Variants in TDP1 observed in about 807,000 individuals in gnomAD.
TDP1 encodes the protein tyrosyl-DNA phosphodiesterase 1.
A neutral mutation model predicts 81.5 loss-of-function variants in TDP1; 64 were observed. That is an observed-to-expected ratio of 0.79 (90% CI 0.64 to 0.97). TDP1 has a LOEUF of 0.97. TDP1 is among the 50% of genes least tolerant of loss of function. TDP1 has a pLI of 0.00. For synonymous variants in TDP1, 256 were observed against 264.3 expected (o/e 0.97, Z 0.30); for missense variants, 723 against 743.8 (o/e 0.97, Z 0.33).
intron 15 of TDP1, chr14:90,022,760 G>T (rs186356184): frequency 1.0e-6 from 1 of 985,290 alleles, no homozygotes; most frequent in Admixed American, 6.1e-5. Flanking sequence ...GTAGACCTTT[G>T]CTTGGCCTTC....
intron 16 of TDP1, among the ~76,000 whole-genome samples, chr14:90,037,186 C>T (rs1887902903): frequency 6.6e-6 from 1 of 152,146 alleles, no homozygotes; most frequent in East Asian, 1.9e-4. Context: ...GTCCCACTTG[C>T]TGTGTGACCT....
At chr14:90,042,042 C>T (rs770129144) in intron 16 of TDP1, among the ~76,000 whole-genome samples, 9 of 152,098 alleles carry the variant, frequency 5.9e-5, no homozygotes, top group African/African-American at 1.2e-4. Flanking sequence ...TTAAGAGGGA[C>T]GGAGGAGGTG....
In TDP1 at chr14:89,988,940, A is replaced by G; in HGVS notation, c.1167A>G (p.Ala389=). ...ACCATGCCTCATCCATGCCTAACGCAGAGTCCTGGCCTGTCGTAGGTCAGT... is the reference window on the plus strand; with the variant it reads ...ACCATGCCTCATCCATGCCTAACGCGGAGTCCTGGCCTGTCGTAGGTCAGT... ...LKDHASSMPN[A]ESWPVVGQFS... is the part of the protein sequence containing the mutation. The change falls in exon 11 of 17, where the codon GCA becomes GCG. Residue 389 remains alanine (A), a synonymous_variant. Coordinates refer to ENST00000335725, the MANE Select transcript of TDP1 (RefSeq NM_018319.4). The G allele has an allele frequency of 6.2e-7, 1 of 1,614,212 alleles. No homozygotes were observed. The highest frequency in any genetic ancestry group is 8.5e-7 in the Non-Finnish European group (1 of 1,180,022).
intron 14 of TDP1, among the ~76,000 whole-genome samples, chr14:90,006,492 T>A (rs34147865): frequency 0.039 from 5,900 of 151,840 alleles, 373 homozygotes; most frequent in African/African-American, 0.13. Flanking sequence ...GATCCTCCCT[T>A]CTCAGCCTCC....
Position 89,977,326 on chromosome 14 carries a change from C to G in TDP1, c.791+1511C>G, listed in dbSNP as rs1345081821. Among the ~76,000 whole-genome samples, 9 of 152,044 alleles carry G rather than the reference C, an allele frequency of 5.9e-5. No individual in the cohort carries two copies. The East Asian group carries it at 1.7e-3, about 29-fold the overall frequency. On this transcript the variant is annotated intron_variant, in intron 7 of 16. Transcript: ENST00000335725. ...AAAATTTTTTTTTTGTTGAGACAGT[C>G]TCGCTCTGTTGCCCAGGCTGGAGTA... is the stretch of plus-strand genomic sequence containing the variant.
At chr14:90,012,404 T>C (rs987861943) in intron 14 of TDP1, among the ~76,000 whole-genome samples, 1 of 151,798 alleles carries the variant, frequency 6.6e-6, no homozygotes, top group Non-Finnish European at 1.5e-5. Context: ...GGCAGTGCCC[T>C]AGTGGGGACT....
intron 6 of TDP1, among the ~76,000 whole-genome samples, chr14:89,973,083 A>C (rs1470944242): frequency 6.6e-6 from 1 of 152,144 alleles, no homozygotes; most frequent in Non-Finnish European, 1.5e-5. Context: ...ATACCTCACA[A>C]CATTTTCCTT....
At chr14:89,996,357 C>T (rs1027398504) in intron 14 of TDP1, among the ~76,000 whole-genome samples, 8 of 152,214 alleles carry the variant, frequency 5.3e-5, no homozygotes, top group African/African-American at 1.9e-4. Flanking sequence ...CCAGGCTAGC[C>T]TCCTTTGCCC....
chr14:89,963,357 C>G lies in TDP1; in HGVS notation c.243C>G (p.Ser81=), dbSNP rs563405303. 7 of 1,614,118 alleles carry G rather than the reference C, an allele frequency of 4.3e-6. No individual in the cohort carries two copies. The African/African-American group carries it at 9.3e-5, about 22-fold the overall frequency. The stretch of plus-strand genomic sequence containing the variant: ...CTCCCAAAAGGCAGAAAAGCGGTTC[C>G]CAGGAGGACCTCGGCTGGTGTCTGT... ...VLPPKRQKSG[S]QEDLGWCLSS... The change falls in exon 3 of 17, where the codon TCC becomes TCG. Residue 81 remains serine (S), a synonymous_variant. Coordinates refer to ENST00000335725, the MANE Select transcript of TDP1 (RefSeq NM_018319.4).
intron 14 of TDP1, among the ~76,000 whole-genome samples, chr14:89,998,377 TA>T (rs1896838286): frequency 3.6e-4 from 2 of 5,520 alleles, no homozygotes; most frequent in African/African-American, 6.4e-4. Context: ...GCACATTATA[TA>T]TATATATATA....
chr14:89,969,907 C>T (rs34086909), intron 5 of TDP1, among the ~76,000 whole-genome samples: 7,324 of 124,804 alleles, frequency 0.059, 460 homozygotes, highest in African/African-American at 0.16. Flanking sequence ...GGCGGAGTCT[C>T]GCTCTGTCGC....
chr14:89,986,464 A>G (rs1187690825), intron 10 of TDP1, among the ~76,000 whole-genome samples: 1 of 152,250 alleles, frequency 6.6e-6, no homozygotes, highest in Admixed American at 6.5e-5. Context: ...TTGTTTGTGG[A>G]CAAATGTCTA....
chr14:89,998,404 A>ATATATGTATG (rs1896865200), intron 14 of TDP1, among the ~76,000 whole-genome samples: 1 of 115,560 alleles, frequency 8.7e-6, no homozygotes, highest in African/African-American at 4.9e-5. Flanking sequence ...ATATATATAT[A>ATATATGTATG]TATATATATA....
At chr14:90,041,169 G>T (rs1316134937) in intron 16 of TDP1, among the ~76,000 whole-genome samples, 1 of 152,198 alleles carries the variant, frequency 6.6e-6, no homozygotes, top group Admixed American at 6.5e-5. Flanking sequence ...CAGTATACAG[G>T]AAACGATGGG....
chr14:90,012,612 T>C (rs1884840978), intron 14 of TDP1, among the ~76,000 whole-genome samples: 1 of 152,184 alleles, frequency 6.6e-6, no homozygotes, highest in African/African-American at 2.4e-5. Context: ...AGAGGTGTGC[T>C]GCAGGGGTGG....
chr14:89,973,969 C>A (rs966141489), intron 6 of TDP1, among the ~76,000 whole-genome samples: 2 of 152,058 alleles, frequency 1.3e-5, no homozygotes, highest in South Asian at 2.1e-4. Context: ...TGTATAAGGA[C>A]AGCAGTCCTG....
At chr14:90,042,875 T>G in intron 16 of TDP1, 195 bp from the exon 17 acceptor site, 1 of 985,386 alleles carries the variant, frequency 1.0e-6, no homozygotes, top group South Asian at 4.7e-5. Context: ...TTCCCCATGT[T>G]CACTCACCTA....
chr14:90,004,353 C>T (rs1413858831), intron 14 of TDP1, among the ~76,000 whole-genome samples: 1 of 152,160 alleles, frequency 6.6e-6, no homozygotes, highest in Non-Finnish European at 1.5e-5. Context: ...AATTTCCCAC[C>T]AGGGACTGGC....
intron 16 of TDP1, among the ~76,000 whole-genome samples, chr14:90,041,942 A>C (rs35038005): frequency 2.0e-5 from 3 of 152,240 alleles, no homozygotes; most frequent in African/African-American, 7.2e-5. Flanking sequence ...TTTGTGCTCC[A>C]TAGTAATCCC....
Sources: gnomAD v4.1 joint callset for allele counts (sites outside exome capture counted in the v4.1 genomes callset) on GRCh38, gnomAD v4.1.1 for gene constraint, MANE v1.5 for transcripts, NCBI Gene and HGNC (gene_info 2026-07-23, HGNC 2026-07-21) for gene names.